ADAM20: variants seen among roughly 807,000 people sequenced by gnomAD.
The protein encoded by ADAM20 is disintegrin and metalloproteinase domain-containing protein 20.
For missense variants in ADAM20, 871 were observed against 883.2 expected (o/e 0.99, Z 0.18); for synonymous variants, 305 against 310.2 (o/e 0.98, Z 0.18).
chr14:70,546,863 G>C, the ADAM20 span, among the ~76,000 whole-genome samples: 1 of 151,900 alleles, frequency 6.6e-6, no homozygotes, highest in Non-Finnish European at 1.5e-5. Flanking sequence ...AACATTTAAA[G>C]AAATTGAAAT....
chr14:70,530,610 A>G (rs1219323706), intron 1 of ADAM20, among the ~76,000 whole-genome samples: 1 of 152,204 alleles, frequency 6.6e-6, no homozygotes, highest in African/African-American at 2.4e-5. Flanking sequence ...TTAGATGGCT[A>G]CAAAGTCACT....
chr14:70,544,074 T>G, the ADAM20 span, among the ~76,000 whole-genome samples: 7 of 147,616 alleles, frequency 4.7e-5, no homozygotes, highest in South Asian at 1.1e-3. Context: ...CCCCTCCAGC[T>G]GGAGAGATGT....
the ADAM20 span, among the ~76,000 whole-genome samples, chr14:70,575,026 C>T: frequency 6.6e-6 from 1 of 151,522 alleles, no homozygotes; most frequent in South Asian, 2.1e-4. Flanking sequence ...ATGGCAGTTG[C>T]CAGAGGATAG....
At chr14:70,566,990 A>G in the ADAM20 span, among the ~76,000 whole-genome samples, 1 of 152,104 alleles carries the variant, frequency 6.6e-6, no homozygotes, top group East Asian at 1.9e-4. Context: ...TCAAAAAAAA[A>G]AGGTGGGAAT....
chr14:70,540,534 A>AGAC, the ADAM20 span, among the ~76,000 whole-genome samples: 9 of 152,230 alleles, frequency 5.9e-5, no homozygotes, highest in South Asian at 1.0e-3. Flanking sequence ...TCTGCCAAAT[A>AGAC]CTATAAGGTA....
chr14:70,534,475 A>G (rs1290091036), intron 1 of ADAM20, among the ~76,000 whole-genome samples: 1 of 152,220 alleles, frequency 6.6e-6, no homozygotes, highest in East Asian at 1.9e-4. Context: ...ATTTCCCAAC[A>G]GACGCATGGC....
In ADAM20 at chr14:70,523,180, T is replaced by G; in HGVS notation, c.1578A>C (p.Ala526=). Reference sequence around the variant, plus strand: ...TGATTTCTTGGTAGCAACTCTGAGATGCACTCCTTGCATCTTGGCCAAAAA... The same window carrying G: ...TGATTTCTTGGTAGCAACTCTGAGAGGCACTCCTTGCATCTTGGCCAAAAA... ...KEIFGQDARS[A]SQSCYQEINT... The change falls in exon 2 of 2, where the codon GCA becomes GCC. Residue 526 remains alanine, a synonymous_variant. Transcript: ENST00000256389. 1 of 1,614,038 alleles carries G rather than the reference T, an allele frequency of 6.2e-7. No homozygotes were observed. Among genetic ancestry groups the G allele is most frequent in the Non-Finnish European group, 8.5e-7 (1 of 1,179,948 alleles).
At chr14:70,562,362 T>G in the ADAM20 span, among the ~76,000 whole-genome samples, 2 of 152,226 alleles carry the variant, frequency 1.3e-5, no homozygotes, top group African/African-American at 4.8e-5. Flanking sequence ...GTTTCTAATT[T>G]TACAGGCTCA....
At chr14:70,546,314 A>G in the ADAM20 span, among the ~76,000 whole-genome samples, 4 of 152,176 alleles carry the variant, frequency 2.6e-5, no homozygotes, top group Non-Finnish European at 4.4e-5. Flanking sequence ...ATGTGCACCC[A>G]TGACACAGTG....
chr14:70,574,592 A>C, the ADAM20 span, among the ~76,000 whole-genome samples: 1 of 152,038 alleles, frequency 6.6e-6, no homozygotes, highest in African/African-American at 2.4e-5. Context: ...GTGAGCCGAG[A>C]TCGCACCACT....
Position 70,533,613 on chromosome 14 carries a change from A to C in ADAM20, c.-177+1184T>G, listed in dbSNP as rs529415659. On this transcript the variant is annotated intron_variant, in intron 1 of 1. Coordinates refer to ENST00000256389, the MANE Select transcript of ADAM20 (RefSeq NM_003814.5). ...CAATGCTTGTTGAGGGATGGGGGGC[A>C]AGGGAAGGGAGAGCATTAGGGCAAA... 5.9e-5 allele frequency among the ~76,000 whole-genome samples: 9 copies of C among 152,200 alleles called. No individual in the cohort carries two copies. The East Asian group carries it at 1.5e-3, about 26-fold the overall frequency.
At chr14:70,533,527 A>G (rs1176755085) in intron 1 of ADAM20, among the ~76,000 whole-genome samples, 1 of 152,110 alleles carries the variant, frequency 6.6e-6, no homozygotes, top group African/African-American at 2.4e-5. Context: ...GCATGCTCTC[A>G]CTCATAAGTG....
At chr14:70,578,218 A>G in the ADAM20 span, among the ~76,000 whole-genome samples, 1 of 152,124 alleles carries the variant, frequency 6.6e-6, no homozygotes, top group Non-Finnish European at 1.5e-5. Context: ...TCTTTGACAA[A>G]GTCAACAAAA....
In ADAM20 at chr14:70,524,248, A is replaced by G; in HGVS notation, c.510T>C (p.Pro170=). Residue 170 remains proline, a synonymous_variant, in exon 2 of 2, where the codon CCT becomes CCC. Coordinates refer to ENST00000256389, the MANE Select transcript of ADAM20 (RefSeq NM_003814.5). ...TCTCTTCTGTTAACCCACATCTCAT[A>G]GGTGGAAACTGTGTATCATCACTGT... is the stretch of plus-strand genomic sequence containing the variant. The part of the protein sequence containing the change: ...KIDSDDTQFP[P]MRCGLTEEKI... The G allele has an allele frequency of 6.2e-7, 1 of 1,613,996 alleles. No individual in the cohort carries two copies. Among genetic ancestry groups the G allele is most frequent in the South Asian group, 1.1e-5 (1 of 91,060 alleles).
chr14:70,566,846 G>A, the ADAM20 span, among the ~76,000 whole-genome samples: 1 of 152,166 alleles, frequency 6.6e-6, no homozygotes, highest in East Asian at 1.9e-4. Flanking sequence ...GCCAGGCATT[G>A]TGGCAGGTGC....
At chr14:70,559,302 T>G in the ADAM20 span, among the ~76,000 whole-genome samples, 1 of 139,968 alleles carries the variant, frequency 7.1e-6, no homozygotes, top group African/African-American at 2.9e-5. Context: ...CTTACAGTCA[T>G]CCTTAATTCC....
At chr14:70,576,426 T>C in the ADAM20 span, among the ~76,000 whole-genome samples, 4 of 152,172 alleles carry the variant, frequency 2.6e-5, no homozygotes, top group Admixed American at 6.5e-5. Context: ...CAAAAGCTGA[T>C]AAAATTTTTT....
chr14:70,534,977 T>G lies in ADAM20; in HGVS notation c.-357A>C, dbSNP rs1015419658. ...ATAAAATGGGAATCTGAGATTGATG[T>G]GGGCATGACCCTAGTCTTAAACACA... On this transcript the variant is annotated 5_prime_UTR_variant, in exon 1 of 2. Coordinates refer to ENST00000256389, the MANE Select transcript of ADAM20 (RefSeq NM_003814.5). 6.6e-6 allele frequency: 1 copy of G among 152,254 alleles called. No homozygotes were observed. The highest frequency in any genetic ancestry group is 2.4e-5 in the African/African-American group (1 of 41,476). The allele number at this position is 152,254 out of a possible 1,614,324, so 9.4% of individuals were successfully genotyped here. A position where few individuals can be genotyped will look rare whatever the true frequency, so the allele number is the denominator to read the frequency against.
intron 1 of ADAM20, among the ~76,000 whole-genome samples, chr14:70,528,276 G>A (rs185641986): frequency 2.2e-4 from 33 of 152,262 alleles, no homozygotes; most frequent in African/African-American, 6.5e-4. Flanking sequence ...CGCAGTGGGC[G>A]GGGGAGTTTG....
Sources: gnomAD v4.1 joint callset for allele counts (sites outside exome capture counted in the v4.1 genomes callset) on GRCh38, gnomAD v4.1.1 for gene constraint, MANE v1.5 for transcripts, NCBI Gene and HGNC (gene_info 2026-07-23, HGNC 2026-07-21) for gene names.